Variants in MRPS18A observed in about 807,000 individuals in gnomAD.
MRPS18A encodes the protein mitochondrial ribosomal protein S18A.
In MRPS18A, 20 loss-of-function variants were observed where a neutral mutation model predicts 22.7. The observed-to-expected ratio is 0.88, with a 90% CI of 0.62 to 1.28. MRPS18A has a LOEUF of 1.28. Among genes scored for constraint, MRPS18A ranks in the 50% most tolerant of loss-of-function variants. The pLI is 0.00. For synonymous variants in MRPS18A, 106 were observed against 99.1 expected (o/e 1.07, Z -0.41); for missense variants, 294 against 262.6 (o/e 1.12, Z -0.83).
At chr6:43,687,039 C>T (rs1003643587) in intron 1 of MRPS18A, among the ~76,000 whole-genome samples, 4 of 152,234 alleles carry the variant, frequency 2.6e-5, no homozygotes, top group African/African-American at 9.6e-5. Flanking sequence ...AGAATTCCTT[C>T]ACAGCTTGAA....
chr6:43,680,812 C>T (rs982650244), intron 2 of MRPS18A, among the ~76,000 whole-genome samples: 6 of 152,182 alleles, frequency 3.9e-5, no homozygotes, highest in African/African-American at 9.7e-5. Flanking sequence ...ATTCAACACC[C>T]GCCAAAGAGC....
At chr6:43,675,671 C>A in intron 3 of MRPS18A, 54 bp from the exon 4 acceptor site, 2 of 1,552,516 alleles carry the variant, frequency 1.3e-6, no homozygotes, top group Non-Finnish European at 1.7e-6. Context: ...CTTTTGATGC[C>A]GGGAAGCTAG....
chr6:43,683,654 G>C (rs934933352), intron 1 of MRPS18A, among the ~76,000 whole-genome samples: 1 of 152,198 alleles, frequency 6.6e-6, no homozygotes, highest in Non-Finnish European at 1.5e-5. Context: ...TAAGGGAAGA[G>C]ATGAAGCAGT....
At position 43,687,704 on chromosome 6, in the gene MRPS18A, T is replaced by C. The variant is rs747101071; in HGVS notation, c.76A>G (p.Ser26Gly). 2.6e-5 allele frequency: 41 copies of C among 1,584,730 alleles called. No individual in the cohort carries two copies. The Middle Eastern group carries it at 5.0e-4, about 19-fold the overall frequency. ...RGLLAGPAAT[S>G]WSRLPARGFR... is the part of the protein sequence containing the mutation. ...CCGCGAGCTGGAAGCCGAGACCAGC[T>C]GGTCGCTGCCGGGCCCGCTAGTAGC... Residue 26 changes from serine (S) to glycine (G), a missense_variant, in exon 1 of 6, where the codon AGC becomes GGC. Coordinates refer to ENST00000372133, the MANE Select transcript of MRPS18A (RefSeq NM_018135.4).
At chr6:43,682,865 C>T (rs1010089561) in intron 1 of MRPS18A, among the ~76,000 whole-genome samples, 5 of 152,188 alleles carry the variant, frequency 3.3e-5, no homozygotes, top group African/African-American at 9.7e-5. Context: ...TTCCAGGCAC[C>T]CTGCAACTTT....
intron 1 of MRPS18A, among the ~76,000 whole-genome samples, chr6:43,686,862 G>C (rs1774733639): frequency 6.6e-6 from 1 of 152,204 alleles, no homozygotes; most frequent in African/African-American, 2.4e-5. Context: ...GCCTGCTCAA[G>C]ACACATCCTC....
In MRPS18A at chr6:43,673,744, G is replaced by A. The variant is rs898335710; in HGVS notation, c.446+1458C>T. Reference sequence around the variant, plus strand: ...GCTCCGCCAGGCCCCAGCGGAGCCTGGGCCCATGCATGGCAGCATTAAACG... The same window carrying A: ...GCTCCGCCAGGCCCCAGCGGAGCCTAGGCCCATGCATGGCAGCATTAAACG... On this transcript the variant is annotated intron_variant, in intron 5 of 5. Transcript: ENST00000372133. This position sits in a 1 kb window ranked among gnomAD's most constrained non-coding sequence, Gnocchi z 4.2. 5.3e-5 allele frequency among the ~76,000 whole-genome samples: 8 copies of A among 152,224 alleles called. No individual in the cohort carries two copies. Among genetic ancestry groups the A allele is most frequent in the Non-Finnish European group, 1.2e-4 (8 of 68,050 alleles).
intron 5 of MRPS18A, among the ~76,000 whole-genome samples, chr6:43,674,464 A>C (rs973618025): frequency 1.3e-5 from 2 of 152,170 alleles, no homozygotes; most frequent in Non-Finnish European, 2.9e-5. Flanking sequence ...CCTCAAATCA[A>C]TTCTACAGAC....
At chr6:43,678,882 T>C (rs1187116444) in intron 2 of MRPS18A, among the ~76,000 whole-genome samples, 1 of 152,070 alleles carries the variant, frequency 6.6e-6, no homozygotes, top group African/African-American at 2.4e-5. Context: ...TTAATACCAG[T>C]GTCAAGAGGG....
chr6:43,687,742 C>T lies in MRPS18A; in HGVS notation c.38G>A (p.Arg13Gln), dbSNP rs751191050. The T allele has an allele frequency of 6.9e-6, 11 of 1,585,848 alleles. No homozygotes were observed. Among genetic ancestry groups the T allele is most frequent in the Non-Finnish European group, 8.6e-6 (10 of 1,166,132 alleles). The change falls in exon 1 of 6, where the codon CGG becomes CAG. Residue 13 changes from arginine (R) to glutamine (Q), a missense_variant. Coordinates refer to ENST00000372133, the MANE Select transcript of MRPS18A (RefSeq NM_018135.4). ...ALKALVSGCG[R>Q]LLRGLLAGPA... ...GCCCGCTAGTAGCCCACGGAGAAGCCGCCCACAGCCGGACACCAGAGCCTT... is the reference window on the plus strand; with the variant it reads ...GCCCGCTAGTAGCCCACGGAGAAGCTGCCCACAGCCGGACACCAGAGCCTT...
chr6:43,679,101 C>T (rs1164232381), intron 2 of MRPS18A, among the ~76,000 whole-genome samples: 1 of 152,212 alleles, frequency 6.6e-6, no homozygotes, highest in African/African-American at 2.4e-5. Flanking sequence ...AACTGCAGTT[C>T]CCAGCTTTAT....
chr6:43,681,145 T>C lies in MRPS18A; in HGVS notation c.113-25A>G, dbSNP rs766322751. 2.5e-6 allele frequency: 4 copies of C among 1,609,124 alleles called. No individual in the cohort carries two copies. The African/African-American group carries it at 4.0e-5, about 16-fold the overall frequency. ...ACTACGGAGATAAAGGGGGAAACAT[T>C]AGGTCAGCCATTTAATAAGGAACAG... On this transcript the variant is annotated intron_variant, in intron 1 of 5. Coordinates refer to ENST00000372133, the MANE Select transcript of MRPS18A (RefSeq NM_018135.4).
At chr6:43,676,798 A>G (rs900653127) in intron 3 of MRPS18A, among the ~76,000 whole-genome samples, 1 of 152,262 alleles carries the variant, frequency 6.6e-6, no homozygotes, top group Non-Finnish European at 1.5e-5. Context: ...GCCTTGCTGC[A>G]TAACTGCAGA....
Position 43,671,702 on chromosome 6 carries a change from G to A in MRPS18A, c.*60C>T. The stretch of plus-strand genomic sequence containing the variant: ...AGTATAGTTGTGGCCAAGGGCTTGT[G>A]AGTGGGCCTCCTACTCCCCAGCACA... On this transcript the variant is annotated 3_prime_UTR_variant, in exon 6 of 6. Coordinates refer to ENST00000372133, the MANE Select transcript of MRPS18A (RefSeq NM_018135.4). 5.6e-6 allele frequency: 9 copies of A among 1,600,798 alleles called. No individual in the cohort carries two copies. Among genetic ancestry groups the A allele is most frequent in the Non-Finnish European group, 6.8e-6 (8 of 1,169,112 alleles).
At chr6:43,685,600 T>C (rs975438940) in intron 1 of MRPS18A, among the ~76,000 whole-genome samples, 1 of 152,168 alleles carries the variant, frequency 6.6e-6, no homozygotes, top group Non-Finnish European at 1.5e-5. Flanking sequence ...ACAGGAAAAT[T>C]GGTGCTCAGT....
At position 43,673,010 on chromosome 6, in the gene MRPS18A, C is replaced by T. The variant is rs12660127; in HGVS notation, c.447-1104G>A. Among the ~76,000 whole-genome samples the T allele has an allele frequency of 0.069, 8,476 of 122,606 alleles. 313 individuals carry two copies. The highest frequency in any genetic ancestry group is 0.12 in the East Asian group (488 of 3,928). The allele number at this position is 122,606 out of a possible 152,430, so 80.4% of individuals were successfully genotyped here. On this transcript the variant is annotated intron_variant, in intron 5 of 5. Coordinates refer to ENST00000372133, the MANE Select transcript of MRPS18A (RefSeq NM_018135.4). The surrounding 1 kb of genome is among the most constrained non-coding windows in gnomAD (Gnocchi z 4.2). ...GCTTTTTTTTTTTTTTTTTTTGAGG[C>T]GAAGTCTTGCTCTGTTGCCCAAGCT...
chr6:43,685,189 T>C (rs1402998336), intron 1 of MRPS18A, among the ~76,000 whole-genome samples: 1 of 152,220 alleles, frequency 6.6e-6, no homozygotes, highest in Non-Finnish European at 1.5e-5. Context: ...GGACAGTTAA[T>C]ATCTACCTTT....
chr6:43,678,538 T>G lies in MRPS18A; in HGVS notation c.232A>C (p.Lys78Gln), dbSNP rs1774199183. ...CTCACGTCATAGTTATACTTGTGCT[T>G]CAGGTTCCAACGGCAGATGGGGCAC... ...GQCPICRWNL[K>Q]HKYNYDDVLL... Residue 78 changes from lysine to glutamine, a missense_variant, in exon 3 of 6, where the codon AAG becomes CAG. Lys to Gln is a moderately conservative substitution (Grantham distance 53, BLOSUM62 1). Transcript: ENST00000372133. 1 of 1,613,154 alleles carries G rather than the reference T, an allele frequency of 6.2e-7. No individual in the cohort carries two copies. Among genetic ancestry groups the G allele is most frequent in the African/African-American group, 1.3e-5 (1 of 75,012 alleles).
At chr6:43,681,999 T>A (rs1774445511) in intron 1 of MRPS18A, among the ~76,000 whole-genome samples, 1 of 152,240 alleles carries the variant, frequency 6.6e-6, no homozygotes, top group Non-Finnish European at 1.5e-5. Flanking sequence ...TGACACAGTT[T>A]CTTTAGAAAG....
Sources: gnomAD v4.1 joint callset for allele counts (sites outside exome capture counted in the v4.1 genomes callset) on GRCh38, gnomAD v4.1.1 for gene constraint, Gnocchi (gnomAD v3.1) non-coding constraint, MANE v1.5 for transcripts, NCBI Gene and HGNC (gene_info 2026-07-23, HGNC 2026-07-21) for gene names.